The following DACH1 variants were observed in gnomAD, a reference collection of about 807,000 sequenced individuals.
DACH1 encodes the protein dachshund homolog 1.
DACH1 carries 12 observed loss-of-function variants against 54.2 expected under a neutral mutation model. The ratio of observed to expected loss-of-function variants is 0.22; its 90% CI spans 0.14 to 0.36. DACH1 has a LOEUF of 0.36. Among genes scored for constraint, DACH1 ranks in the 10% least tolerant of loss-of-function variants. The pLI is 1.00. For synonymous variants in DACH1, 386 were observed against 366.2 expected, an observed-to-expected ratio of 1.05 and a Z score of -0.62; for missense variants, 805 against 929.8, an observed-to-expected ratio of 0.87 and a Z score of 1.75.
At chr13:71,632,416 A>ATTT (rs34080454) in intron 2 of DACH1, among the ~76,000 whole-genome samples, 4 of 124,702 alleles carry the variant, frequency 3.2e-5, no homozygotes, top group Admixed American at 7.9e-5. Flanking sequence ...AACCCCACCC[A>ATTT]TTTTTTTTTT....
chr13:71,722,545 A>G (rs1435176459), intron 1 of DACH1, among the ~76,000 whole-genome samples: 1 of 152,182 alleles, frequency 6.6e-6, no homozygotes, highest in Admixed American at 6.5e-5. Flanking sequence ...CTATCATCAT[A>G]GTGAGCTTGG....
chr13:71,630,776 C>T (rs1469196583), intron 2 of DACH1, 59 bp from the exon 3 acceptor site: 10 of 1,482,068 alleles, frequency 6.7e-6, no homozygotes, highest in Non-Finnish European at 8.9e-6. Flanking sequence ...TTTAATAGTT[C>T]CTGTACTTGC....
At chr13:71,810,738 G>A (rs996003581) in intron 1 of DACH1, among the ~76,000 whole-genome samples, 45 of 152,074 alleles carry the variant, frequency 3.0e-4, no homozygotes, top group African/African-American at 9.4e-4. Context: ...AATGCACTAC[G>A]TTACAGTTAC....
intron 3 of DACH1, among the ~76,000 whole-genome samples, chr13:71,573,768 C>T (rs1885367762): frequency 2.0e-5 from 3 of 152,026 alleles, no homozygotes; most frequent in South Asian, 4.2e-4. Flanking sequence ...TATAGGATCT[C>T]AAAATTAAAA....
At chr13:71,446,508 ATAAGGCTAT>A (rs1462314172) in intron 10 of DACH1, among the ~76,000 whole-genome samples, 26 of 152,328 alleles carry the variant, frequency 1.7e-4, no homozygotes, top group Non-Finnish European at 1.6e-4. Context: ...CCTCTTACAA[ATAAGGCTAT>A]TAAGGCATAG....
At chr13:71,749,741 T>C (rs769208388) in intron 1 of DACH1, among the ~76,000 whole-genome samples, 1 of 152,196 alleles carries the variant, frequency 6.6e-6, no homozygotes, top group Non-Finnish European at 1.5e-5. Context: ...TAGTCGTTTA[T>C]ACCATTCTGT....
At chr13:71,618,927 T>G (rs1371653476) in intron 3 of DACH1, among the ~76,000 whole-genome samples, 1 of 151,748 alleles carries the variant, frequency 6.6e-6, no homozygotes, top group Non-Finnish European at 1.5e-5. Context: ...AAGATTACAA[T>G]GTATTTATAT....
At chr13:71,807,373 C>T (rs1438602815) in intron 1 of DACH1, among the ~76,000 whole-genome samples, 6 of 149,854 alleles carry the variant, frequency 4.0e-5, no homozygotes, top group Admixed American at 2.0e-4. Context: ...GCACTTCCCT[C>T]GCCCCTGTCA....
intron 1 of DACH1, among the ~76,000 whole-genome samples, chr13:71,810,845 C>T (rs1046166336): frequency 3.9e-5 from 6 of 152,018 alleles, no homozygotes; most frequent in Non-Finnish European, 8.8e-5. Flanking sequence ...TTTTATGATG[C>T]CCTTGATTCT....
chr13:71,802,999 AC>A (rs1019572609), intron 1 of DACH1, among the ~76,000 whole-genome samples: 26 of 152,108 alleles, frequency 1.7e-4, no homozygotes, highest in Non-Finnish European at 2.8e-4. Context: ...TAGAAAATAA[AC>A]TTTTCTCATT....
At chr13:71,543,658 C>T (rs1446823656) in intron 6 of DACH1, among the ~76,000 whole-genome samples, 1 of 152,058 alleles carries the variant, frequency 6.6e-6, no homozygotes, top group Non-Finnish European at 1.5e-5. Flanking sequence ...TTAAACTCCC[C>T]ATCTGCCTTG....
intron 1 of DACH1, among the ~76,000 whole-genome samples, chr13:71,816,601 TG>T (rs1566519287): frequency 1.4e-4 from 14 of 96,788 alleles, no homozygotes; most frequent in African/African-American, 4.8e-4. Context: ...TACACACATA[TG>T]TGTGTATATA....
chr13:71,682,090 T>C (rs1880936922), intron 1 of DACH1, among the ~76,000 whole-genome samples, 180 bp from the exon 2 acceptor site: 2 of 152,224 alleles, frequency 1.3e-5, no homozygotes, highest in South Asian at 2.1e-4. Flanking sequence ...ATTTTCCTCA[T>C]TGAAGATCAG....
rs143297690 is a variant in DACH1 at position 71,606,670 on chromosome 13, T to A, written c.1126+23886A>T. ...TTGTTTTAACTAGTGTGAGAAATAC[T>A]TCACCTTTTTCCTCTCTATTTCTTT... On this transcript the variant is annotated intron_variant, in intron 3 of 10. Transcript: ENST00000613252. Among the ~76,000 whole-genome samples the A allele has an allele frequency of 3.3e-5, 5 of 152,176 alleles. No individual in the cohort carries two copies. The East Asian group carries it at 9.6e-4, about 29-fold the overall frequency.
At chr13:71,799,443 A>T (rs1887196608) in intron 1 of DACH1, among the ~76,000 whole-genome samples, 1 of 152,176 alleles carries the variant, frequency 6.6e-6, no homozygotes, top group Non-Finnish European at 1.5e-5. Context: ...TAATTAAATT[A>T]AAAAAGTAAT....
intron 1 of DACH1, among the ~76,000 whole-genome samples, chr13:71,726,206 T>C (rs1272295255): frequency 6.6e-6 from 1 of 152,136 alleles, no homozygotes; most frequent in Non-Finnish European, 1.5e-5. Flanking sequence ...ATAGACCGCA[T>C]GTTGAAGCCC....
intron 1 of DACH1, among the ~76,000 whole-genome samples, chr13:71,794,478 G>A (rs779821794): frequency 1.4e-4 from 21 of 152,052 alleles, no homozygotes; most frequent in African/African-American, 3.1e-4. Flanking sequence ...TTGCTTTGTC[G>A]CCCAGGCTGG....
intron 1 of DACH1, among the ~76,000 whole-genome samples, chr13:71,851,721 G>A (rs1162755367): frequency 2.6e-5 from 4 of 152,086 alleles, no homozygotes; most frequent in South Asian, 4.1e-4. Context: ...TTGCTAGATA[G>A]CTCAATACTG....
chr13:71,807,291 A>ATT (rs2138141129), intron 1 of DACH1, among the ~76,000 whole-genome samples: 1 of 152,252 alleles, frequency 6.6e-6, no homozygotes, highest in Non-Finnish European at 1.5e-5. Flanking sequence ...TTGCTAATAT[A>ATT]TTTATAGTTC....
Sources: allele counts gnomAD v4.1 joint callset (sites outside exome capture counted in the v4.1 genomes callset), GRCh38; gene constraint gnomAD v4.1.1; transcripts MANE v1.5; gene names NCBI Gene and HGNC (gene_info 2026-07-23, HGNC 2026-07-21).